ADAMTSL1: variants seen among roughly 807,000 people sequenced by gnomAD.
ADAMTSL1 encodes the protein ADAMTS like 1.
A neutral mutation model predicts 201.8 loss-of-function variants in ADAMTSL1; 126 were observed. That is an observed-to-expected ratio of 0.62 (90% CI 0.54 to 0.72). The LOEUF (loss-of-function observed/expected upper bound fraction) is 0.72, where lower values mean the gene tolerates loss of function less well. ADAMTSL1 is among the 30% of genes least tolerant of loss of function. The pLI is 0.00. For synonymous variants in ADAMTSL1, 1,121 were observed against 903.4 expected (o/e 1.24, Z -4.32); for missense variants, 2,679 against 2,277.8 (o/e 1.18, Z -3.59).
At chr9:18,790,900 A>G (rs938460410) in intron 19 of ADAMTSL1, among the ~76,000 whole-genome samples, 5 of 152,182 alleles carry the variant, frequency 3.3e-5, no homozygotes, top group African/African-American at 7.2e-5. Flanking sequence ...ACCACTTGCT[A>G]TGTAGGTCTT....
intron 15 of ADAMTSL1, among the ~76,000 whole-genome samples, chr9:18,734,021 A>G (rs1028157367): frequency 6.6e-6 from 1 of 152,094 alleles, no homozygotes; most frequent in Non-Finnish European, 1.5e-5. Context: ...CTGTGAGAGC[A>G]TGGGCTTATA....
intron 2 of ADAMTSL1, among the ~76,000 whole-genome samples, chr9:18,177,164 T>C (rs568174209): frequency 4.6e-5 from 7 of 152,218 alleles, no homozygotes; most frequent in Non-Finnish European, 1.0e-4. Flanking sequence ...CTGGCTAGTG[T>C]ACCAAGTTTC....
intron 1 of ADAMTSL1, among the ~76,000 whole-genome samples, chr9:17,927,389 TAC>T (rs999000210): frequency 9.2e-5 from 14 of 152,126 alleles, no homozygotes; most frequent in African/African-American, 1.7e-4. Context: ...TGCACACATA[TAC>T]GTACATATAT....
At chr9:18,449,641 G>A (rs1451136400) in intron 2 of ADAMTSL1, among the ~76,000 whole-genome samples, 1 of 152,052 alleles carries the variant, frequency 6.6e-6, no homozygotes, top group African/African-American at 2.4e-5. Flanking sequence ...TCAGATAAAG[G>A]ACTTGTGTCT....
intron 2 of ADAMTSL1, among the ~76,000 whole-genome samples, chr9:18,408,518 T>C (rs1818299050): frequency 6.6e-6 from 1 of 152,144 alleles, no homozygotes; most frequent in South Asian, 2.1e-4. Context: ...GTACCTAGTA[T>C]GTGCTGGTCA....
At chr9:18,397,958 G>A (rs138840243) in intron 2 of ADAMTSL1, among the ~76,000 whole-genome samples, 88 of 152,226 alleles carry the variant, frequency 5.8e-4, no homozygotes, top group Non-Finnish European at 1.0e-3. Flanking sequence ...TGCCCATAAT[G>A]AGGTGTGTAC....
chr9:18,196,061 A>G (rs555201748), intron 2 of ADAMTSL1, among the ~76,000 whole-genome samples: 1 of 152,232 alleles, frequency 6.6e-6, no homozygotes, highest in African/African-American at 2.4e-5. Flanking sequence ...ACATTGTGCC[A>G]TTCCACGGGT....
intron 2 of ADAMTSL1, among the ~76,000 whole-genome samples, chr9:18,404,322 C>T (rs1412313604): frequency 1.3e-5 from 2 of 152,186 alleles, no homozygotes; most frequent in African/African-American, 2.4e-5. Flanking sequence ...TACTACCAAA[C>T]AATGATGTGG....
At chr9:17,986,542 C>T (rs140812972) in intron 1 of ADAMTSL1, among the ~76,000 whole-genome samples, 1 of 152,068 alleles carries the variant, frequency 6.6e-6, no homozygotes, top group East Asian at 1.9e-4. Flanking sequence ...TTTCCATTTT[C>T]TCTCACCTGC....
In ADAMTSL1 at chr9:17,994,071, C is replaced by T. The variant is rs528686155; in HGVS notation, c.87+87149C>T. On this transcript the variant is annotated intron_variant, in intron 1 of 29. Transcript: ENST00000680146. ...CCCTCATTACAGATTATTGCTCCAC[C>T]TCGGCAGACAGAATCTCATTGTGTG... 6.0e-5 allele frequency among the ~76,000 whole-genome samples: 9 copies of T among 150,234 alleles called. No homozygotes were observed. The East Asian group carries it at 1.8e-3, about 29-fold the overall frequency.
chr9:18,319,437 A>G (rs1022908885), intron 2 of ADAMTSL1, among the ~76,000 whole-genome samples: 2 of 152,206 alleles, frequency 1.3e-5, no homozygotes, highest in African/African-American at 4.8e-5. Context: ...CTTCACTGCT[A>G]TGAACTATAG....
intron 2 of ADAMTSL1, among the ~76,000 whole-genome samples, chr9:18,293,751 T>G (rs780263158): frequency 4.6e-5 from 7 of 152,202 alleles, no homozygotes; most frequent in Admixed American, 2.0e-4. Context: ...TAACTGGTTA[T>G]TGTCAAGATG....
intron 2 of ADAMTSL1, among the ~76,000 whole-genome samples, chr9:18,465,625 A>G (rs1820973622): frequency 1.3e-5 from 2 of 152,250 alleles, no homozygotes; most frequent in South Asian, 2.1e-4. Flanking sequence ...ATGGTAACAC[A>G]TAACTGCCAA....
At chr9:18,097,565 T>A (rs1350780385) in intron 1 of ADAMTSL1, among the ~76,000 whole-genome samples, 1 of 152,216 alleles carries the variant, frequency 6.6e-6, no homozygotes, top group Non-Finnish European at 1.5e-5. Context: ...CTCCACATCC[T>A]TGTTAATACT....
At chr9:18,105,297 G>A (rs1265983763) in intron 1 of ADAMTSL1, among the ~76,000 whole-genome samples, 15 of 152,096 alleles carry the variant, frequency 9.9e-5, no homozygotes. Context: ...ATCAGAACTT[G>A]GCCATACTTG....
At chr9:18,656,628 CAAAA>C (rs34965386) in intron 7 of ADAMTSL1, among the ~76,000 whole-genome samples, 5 of 75,350 alleles carry the variant, frequency 6.6e-5, no homozygotes, top group East Asian at 5.0e-4. Flanking sequence ...GACTCCATCG[CAAAA>C]AAAAAAAAAA....
intron 15 of ADAMTSL1, among the ~76,000 whole-genome samples, chr9:18,746,174 A>C (rs1241225205): frequency 2.0e-5 from 3 of 152,168 alleles, no homozygotes; most frequent in African/African-American, 7.2e-5. Context: ...CACATTTTTG[A>C]GTGACATTTT....
intron 5 of ADAMTSL1, among the ~76,000 whole-genome samples, chr9:18,629,062 T>A (rs188266369): frequency 1.3e-4 from 20 of 152,308 alleles, no homozygotes; most frequent in Admixed American, 6.5e-4. Context: ...CAATTATATA[T>A]TCCTAGTTCA....
chr9:18,124,597 T>C (rs1278803392), intron 1 of ADAMTSL1, among the ~76,000 whole-genome samples: 2 of 152,184 alleles, frequency 1.3e-5, no homozygotes, highest in South Asian at 2.1e-4. Context: ...TGAAGTCCAA[T>C]TGAACATGCC....
Sources: allele counts gnomAD v4.1 joint callset (sites outside exome capture counted in the v4.1 genomes callset), GRCh38; gene constraint gnomAD v4.1.1; transcripts MANE v1.5; gene names NCBI Gene and HGNC (gene_info 2026-07-23, HGNC 2026-07-21).